Variants in SPAG16 observed in about 807,000 individuals in gnomAD.
SPAG16 encodes the protein sperm-associated antigen 16 protein.
SPAG16 carries 86 observed loss-of-function variants against 80.4 expected under a neutral mutation model. That is an observed-to-expected ratio of 1.07 (90% CI 0.90 to 1.28). The LOEUF is 1.28. SPAG16 is among the 50% of genes most tolerant of loss of function. SPAG16 has a pLI of 0.00. For synonymous variants in SPAG16, 294 were observed against 265.9 expected, an observed-to-expected ratio of 1.11 and a Z score of -1.03; for missense variants, 870 against 765.3, an observed-to-expected ratio of 1.14 and a Z score of -1.61.
intron 15 of SPAG16, among the ~76,000 whole-genome samples, chr2:214,331,007 A>C (rs1254246896): frequency 6.6e-6 from 1 of 152,224 alleles, no homozygotes; most frequent in African/African-American, 2.4e-5. Flanking sequence ...CCCATGTAGC[A>C]GTTGTTCCTG....
intron 5 of SPAG16, among the ~76,000 whole-genome samples, chr2:213,328,279 T>TA (rs929573526): frequency 1.3e-5 from 2 of 152,154 alleles, no homozygotes; most frequent in Admixed American, 6.6e-5. Context: ...AACTTTTTTT[T>TA]AAAAATACAG....
At chr2:213,287,701 A>G (rs1226863088) in intron 1 of SPAG16, among the ~76,000 whole-genome samples, 1 of 152,138 alleles carries the variant, frequency 6.6e-6, no homozygotes, top group Non-Finnish European at 1.5e-5. Flanking sequence ...AGAGTTCAGT[A>G]AGTTTAAGCC....
chr2:213,635,215 G>A (rs1030886716), intron 10 of SPAG16, among the ~76,000 whole-genome samples: 1 of 151,334 alleles, frequency 6.6e-6, no homozygotes, highest in Non-Finnish European at 1.5e-5. Context: ...TTTTGTATTT[G>A]TAATAGAGAT....
intron 12 of SPAG16, among the ~76,000 whole-genome samples, chr2:213,954,139 A>ATTTTT (rs367719207): frequency 7.1e-6 from 1 of 141,450 alleles, no homozygotes. Flanking sequence ...AGTCACTCCT[A>ATTTTT]TTTTTTTTTT....
chr2:213,354,643 A>G (rs921301882), intron 7 of SPAG16, among the ~76,000 whole-genome samples: 4 of 152,186 alleles, frequency 2.6e-5, no homozygotes, highest in African/African-American at 9.7e-5. Context: ...ACCAATGATG[A>G]TGAGCATTTT....
chr2:213,976,135 T>TATATATATATATATACACACACACAC (rs749957411), intron 12 of SPAG16, among the ~76,000 whole-genome samples: 5 of 81,404 alleles, frequency 6.1e-5, no homozygotes, highest in East Asian at 3.8e-4. Flanking sequence ...TATATATATA[T>TATATATATATATATACACACACACAC]ACACACACAC....
intron 10 of SPAG16, among the ~76,000 whole-genome samples, chr2:213,638,499 A>G (rs2062457129): frequency 6.6e-6 from 1 of 151,972 alleles, no homozygotes; most frequent in East Asian, 1.9e-4. Flanking sequence ...TTCATTGTTG[A>G]CCCAAAGACC....
At chr2:213,421,445 G>A (rs1298252439) in intron 9 of SPAG16, among the ~76,000 whole-genome samples, 1 of 152,214 alleles carries the variant, frequency 6.6e-6, no homozygotes, top group Admixed American at 6.5e-5. Context: ...AACAGCCTGG[G>A]TGCTGTGGAT....
At chr2:214,354,946 C>T (rs930961754) in intron 15 of SPAG16, among the ~76,000 whole-genome samples, 21 of 152,088 alleles carry the variant, frequency 1.4e-4, no homozygotes, top group Non-Finnish European at 3.1e-4. Flanking sequence ...CATCTGCAAA[C>T]AGGGACAATT....
At chr2:214,273,954 T>C (rs1452602807) in intron 15 of SPAG16, among the ~76,000 whole-genome samples, 3 of 152,184 alleles carry the variant, frequency 2.0e-5, no homozygotes. Flanking sequence ...CATTTGTTTG[T>C]GTCCCCCTTT....
chr2:213,693,192 C>A (rs944895744), intron 10 of SPAG16, among the ~76,000 whole-genome samples: 1 of 152,160 alleles, frequency 6.6e-6, no homozygotes, highest in African/African-American at 2.4e-5. Context: ...TCTGATTGGG[C>A]AATTTATCAG....
Position 214,177,900 on chromosome 2 carries a change from C to CATATAT in SPAG16, c.1720+28644_1720+28649dup, listed in dbSNP as rs373584812. On this transcript the variant is annotated intron_variant, in intron 15 of 15. Transcript: ENST00000331683. ...GTTAAAAAAGCAGAATATATATATA[C>CATATAT]ATATATATATATATACATATATATA... Among the ~76,000 whole-genome samples, 19 of 63,966 alleles carry CATATAT rather than the reference C, an allele frequency of 3.0e-4. No individual in the cohort carries two copies. In the East Asian group the frequency reaches 6.2e-3, roughly 21 times the overall value. The allele number at this position is 63,966 out of a possible 152,430, so 42.0% of individuals were successfully genotyped here.
At chr2:214,030,887 A>C (rs774864357) in intron 13 of SPAG16, among the ~76,000 whole-genome samples, 1 of 152,230 alleles carries the variant, frequency 6.6e-6, no homozygotes, top group Non-Finnish European at 1.5e-5. Flanking sequence ...TGAGGAAGTT[A>C]ATGTCCCTGG....
At chr2:213,416,378 T>C (rs2069254022) in intron 9 of SPAG16, among the ~76,000 whole-genome samples, 1 of 152,140 alleles carries the variant, frequency 6.6e-6, no homozygotes, top group Non-Finnish European at 1.5e-5. Flanking sequence ...CCAGCAGTCA[T>C]AAACCTACTT....
intron 10 of SPAG16, among the ~76,000 whole-genome samples, chr2:213,625,104 A>G (rs1181330150): frequency 6.6e-6 from 1 of 152,028 alleles, no homozygotes; most frequent in African/African-American, 2.4e-5. Context: ...CAGTTTTTTA[A>G]TTCTAAATGG....
At chr2:214,407,379 AT>A (rs1416805358) in intron 15 of SPAG16, among the ~76,000 whole-genome samples, 2 of 152,088 alleles carry the variant, frequency 1.3e-5, no homozygotes, top group African/African-American at 4.8e-5. Flanking sequence ...TTAATTTCAC[AT>A]TTTTTAAAGA....
At chr2:213,830,264 TG>T (rs749563426) in intron 10 of SPAG16, among the ~76,000 whole-genome samples, 3 of 152,188 alleles carry the variant, frequency 2.0e-5, no homozygotes, top group Non-Finnish European at 4.4e-5. Flanking sequence ...TTCCTGGTGT[TG>T]GCAGCACTGA....
chr2:213,471,056 C>G (rs114519138), intron 9 of SPAG16, among the ~76,000 whole-genome samples: 3,539 of 152,336 alleles, frequency 0.023, 58 homozygotes, highest in South Asian at 0.038. Flanking sequence ...GTTCTGCCTA[C>G]TGGGAAGAAT....
chr2:213,464,268 G>C (rs1243575833), intron 9 of SPAG16, among the ~76,000 whole-genome samples: 5 of 152,174 alleles, frequency 3.3e-5, no homozygotes, highest in Non-Finnish European at 7.3e-5. Flanking sequence ...AGTGCCATGG[G>C]CATGAGAGTA....
Sources: gnomAD v4.1 joint callset for allele counts (sites outside exome capture counted in the v4.1 genomes callset) on GRCh38, gnomAD v4.1.1 for gene constraint, MANE v1.5 for transcripts, NCBI Gene and HGNC (gene_info 2026-07-23, HGNC 2026-07-21) for gene names.